The following ATAD2 variants were observed in gnomAD, a reference collection of about 807,000 sequenced individuals.
The protein encoded by ATAD2 is ATPase family AAA domain-containing protein 2.
ATAD2 carries 62 observed loss-of-function variants against 168.9 expected under a neutral mutation model. That is an observed-to-expected ratio of 0.37 (90% CI 0.30 to 0.45). The LOEUF (loss-of-function observed/expected upper bound fraction) is 0.45. Ranked by LOEUF, ATAD2 falls within the 20% of genes least tolerant of loss-of-function variation. The pLI is 1.00. For synonymous variants in ATAD2, 613 were observed against 571.6 expected (o/e 1.07, Z -1.03); for missense variants, 1,419 against 1,667.8 (o/e 0.85, Z 2.60).
intron 14 of ATAD2, among the ~76,000 whole-genome samples, chr8:123,348,572 G>T (rs1237943347): frequency 6.6e-6 from 1 of 152,198 alleles, no homozygotes; most frequent in African/African-American, 2.4e-5. Flanking sequence ...AGCTACTTGG[G>T]AGTCTGAGGC....
intron 23 of ATAD2, 80 bp from the exon 24 acceptor site, chr8:123,334,101 AC>A: frequency 6.4e-7 from 1 of 1,560,122 alleles, no homozygotes; most frequent in African/African-American, 1.4e-5. Context: ...AGTACAAAAT[AC>A]ATCTGAAGCA....
intron 17 of ATAD2, 21 bp from the exon 18 acceptor site, chr8:123,346,293 A>C (rs1310640556): frequency 2.6e-6 from 4 of 1,548,828 alleles, no homozygotes; most frequent in Admixed American, 2.1e-5. Flanking sequence ...AATGATTAAT[A>C]AGCTATGTTT....
intron 18 of ATAD2, 89 bp from the exon 19 acceptor site, chr8:123,345,158 A>G (rs1828197771): frequency 4.0e-6 from 5 of 1,238,132 alleles, no homozygotes; most frequent in East Asian, 2.4e-5. Context: ...TTAACCTCCC[A>G]GGAGTAACAT....
chr8:123,333,248 A>AT (rs1827825705), intron 24 of ATAD2, among the ~76,000 whole-genome samples: 1 of 148,418 alleles, frequency 6.7e-6, no homozygotes, highest in Non-Finnish European at 1.5e-5. Context: ...AAAAAAAAAA[A>AT]AAAAAAAAAA....
chr8:123,402,234 A>G lies in ATAD2; in HGVS notation c.-2281-1059T>C. The G allele has an allele frequency of 1.7e-6, 1 of 593,446 alleles. No homozygotes were observed. Among genetic ancestry groups the G allele is most frequent in the Non-Finnish European group, 3.0e-6 (1 of 328,182 alleles). 36.8% of individuals were successfully genotyped at this position (593,446 alleles called of 1,614,324 possible). ...GGTTCCCCAGCTCCTTTCCAGGGAG[A>G]GAGGAGGCGAAGTTGTGAGGGGTCT... is the stretch of plus-strand genomic sequence containing the variant. On this transcript the variant is annotated intron_variant, in intron 1 of 28. Coordinates refer to the ATAD2 transcript ENST00000521903. The surrounding 1 kb of genome is among the most constrained non-coding windows in gnomAD (Gnocchi z 4.8).
Position 123,402,517 on chromosome 8 carries a change from G to A in ATAD2, c.-2281-1342C>T, listed in dbSNP as rs1813015566. ...CTGCCTCTGGCCTACTGCCCCCTCAGCCATGTGGCACTTCTGAGCTCCTGA... is the reference window on the plus strand; with the variant it reads ...CTGCCTCTGGCCTACTGCCCCCTCAACCATGTGGCACTTCTGAGCTCCTGA... On this transcript the variant is annotated intron_variant, in intron 1 of 28. Coordinates refer to the ATAD2 transcript ENST00000521903. The surrounding 1 kb of genome is among the most constrained non-coding windows in gnomAD (Gnocchi z 4.8). 2.6e-5 allele frequency among the ~76,000 whole-genome samples: 4 copies of A among 152,142 alleles called. No homozygotes were observed. Among genetic ancestry groups the A allele is most frequent in the Admixed American group, 2.6e-4 (4 of 15,284 alleles).
At chr8:123,404,600 T>A (rs937052016) in intron 1 of ATAD2, among the ~76,000 whole-genome samples, 16 of 151,254 alleles carry the variant, frequency 1.1e-4, no homozygotes, top group African/African-American at 3.9e-4. Context: ...GGAGTCTCGC[T>A]CTGTCGCCCA....
At chr8:123,351,466 T>C (rs1294406725) in intron 13 of ATAD2, among the ~76,000 whole-genome samples, 2 of 152,088 alleles carry the variant, frequency 1.3e-5, no homozygotes, top group African/African-American at 4.8e-5. Flanking sequence ...GATGGCATCA[T>C]CCCTGGTTAA....
chr8:123,388,076 G>A (rs1326592322), intron 1 of ATAD2, among the ~76,000 whole-genome samples: 1 of 152,078 alleles, frequency 6.6e-6, no homozygotes, highest in African/African-American at 2.4e-5. Flanking sequence ...CATCTACTCG[G>A]TAAACTCCAA....
intron 25 of ATAD2, among the ~76,000 whole-genome samples, chr8:123,326,482 C>G (rs1295257869): frequency 1.3e-5 from 2 of 149,726 alleles, no homozygotes; most frequent in African/African-American, 4.9e-5. Flanking sequence ...CCAGCCTGGG[C>G]AACATGGGAA....
chr8:123,400,991 T>A, upstream of ATAD2: 1 of 1,471,116 alleles, frequency 6.8e-7, no homozygotes, highest in South Asian at 1.1e-5. The surrounding 1 kb of genome is among the most constrained non-coding windows in gnomAD (Gnocchi z 4.5). Context: ...CGGCATGGCT[T>A]CTCTGGTATC....
At chr8:123,360,862 A>G (rs1828793776) in intron 9 of ATAD2, among the ~76,000 whole-genome samples, 1 of 152,020 alleles carries the variant, frequency 6.6e-6, no homozygotes, top group Non-Finnish European at 1.5e-5. Flanking sequence ...ATGGACTTAC[A>G]CTACAAGGAG....
intron 22 of ATAD2, 125 bp downstream of exon 22, chr8:123,336,248 G>T: frequency 3.7e-6 from 3 of 820,342 alleles, no homozygotes; most frequent in Middle Eastern, 2.3e-4. Context: ...TTTGTAAAAT[G>T]GTTGTTGTGA....
At position 123,369,116 on chromosome 8, in the gene ATAD2, G is replaced by A. The variant is rs1829062371; in HGVS notation, c.991C>T (p.Pro331Ser). The part of the protein sequence containing the change: ...FYSGPASPAR[P>S]RYRLSSAGPR... ...CCTGCGGAAGATAATCGGTATCTTG[G>A]TCTTGCAGGAGAAGCTGGGCCACTA... is the stretch of plus-strand genomic sequence containing the variant. The change falls in exon 8 of 28, where the codon CCA (proline) becomes TCA (serine). Residue 331 changes from proline to serine, a missense_variant. Transcript: ENST00000287394. 2 of 1,596,738 alleles carry A rather than the reference G, an allele frequency of 1.3e-6. No individual in the cohort carries two copies. The highest frequency in any genetic ancestry group is 1.7e-6 in the Non-Finnish European group (2 of 1,169,194).
At chr8:123,379,030 C>T (rs543556958) in intron 2 of ATAD2, among the ~76,000 whole-genome samples, 36 of 152,038 alleles carry the variant, frequency 2.4e-4, no homozygotes, top group Non-Finnish European at 3.8e-4. Context: ...ACTCCCCGAC[C>T]GAAGTGATCC....
At chr8:123,328,798 A>ATT (rs35015706) in intron 24 of ATAD2, among the ~76,000 whole-genome samples, 9,256 of 126,846 alleles carry the variant, frequency 0.073, 1,179 homozygotes, top group African/African-American at 0.23. Flanking sequence ...TTATCTTGAA[A>ATT]TTTTTTTTTT....
rs386360951 is a variant in ATAD2, at chr8:123,389,960, T to TTATATATATATATA, written c.171+6213_171+6226dup. Reference sequence around the variant, plus strand: ...ATAAGTGGTAGCTATTACTATTATTTTATATATATATATATATATATATAT... The same window carrying TTATATATATATATA: ...ATAAGTGGTAGCTATTACTATTATTTTATATATATATATATATATATATATATATATATATATAT... On this transcript the variant is annotated intron_variant, in intron 1 of 27. Coordinates refer to ENST00000287394, the MANE Select transcript of ATAD2 (RefSeq NM_014109.4). Among the ~76,000 whole-genome samples, 71 of 94,034 alleles carry TTATATATATATATA rather than the reference T, an allele frequency of 7.6e-4. 1 individual carries two copies. Among genetic ancestry groups the TTATATATATATATA allele is most frequent in the Middle Eastern group, 8.6e-3 (1 of 116 alleles). The allele number at this position is 94,034 out of a possible 152,430, so 61.7% of individuals were successfully genotyped here. A position where few individuals can be genotyped will look rare whatever the true frequency, so the allele number is the denominator to read the frequency against.
At chr8:123,389,985 T>TATATATATATATATATATATATATA (rs1554647643) in intron 1 of ATAD2, among the ~76,000 whole-genome samples, 8 of 70,814 alleles carry the variant, frequency 1.1e-4, no homozygotes, top group Non-Finnish European at 1.6e-4. Flanking sequence ...TATATATATA[T>TATATATATATATATATATATATATA]TTTTTTTTTT....
At chr8:123,396,034 G>C in intron 1 of ATAD2, 153 bp downstream of exon 1, 1 of 920,054 alleles carries the variant, frequency 1.1e-6, no homozygotes, top group Non-Finnish European at 1.6e-6. Flanking sequence ...CTCCGATCCC[G>C]AGAGCTTCCA....
Sources: allele counts gnomAD v4.1 joint callset (sites outside exome capture counted in the v4.1 genomes callset), GRCh38; gene constraint gnomAD v4.1.1; non-coding constraint Gnocchi (gnomAD v3.1); transcripts MANE v1.5; gene names NCBI Gene and HGNC (gene_info 2026-07-23, HGNC 2026-07-21).